The following PTPRD variants were observed in gnomAD, a reference collection of about 807,000 sequenced individuals.
PTPRD encodes the protein protein tyrosine phosphatase receptor type D.
In PTPRD, 34 loss-of-function variants were observed where a neutral mutation model predicts 214.5. The ratio of observed to expected loss-of-function variants is 0.16; its 90% CI spans 0.12 to 0.21. The LOEUF is 0.21. PTPRD is among the 10% of genes least tolerant of loss of function. The probability of loss-of-function intolerance (pLI) is 1.00; values close to 1 mark genes in which losing one functional copy is unlikely to be tolerated. For missense variants in PTPRD, 2,545 were observed against 2,398.7 expected, an observed-to-expected ratio of 1.06 and a Z score of -1.27; for synonymous variants, 1,128 against 845.7, an observed-to-expected ratio of 1.33 and a Z score of -5.79.
intron 8 of PTPRD, among the ~76,000 whole-genome samples, chr9:9,434,960 T>A (rs1163039572): frequency 6.6e-6 from 1 of 151,036 alleles, no homozygotes; most frequent in East Asian, 1.9e-4. Flanking sequence ...ATAATACCTG[T>A]CTCTTCATAG....
At chr9:9,208,655 T>C (rs1441124091) in intron 9 of PTPRD, among the ~76,000 whole-genome samples, 1 of 152,086 alleles carries the variant, frequency 6.6e-6, no homozygotes, top group Non-Finnish European at 1.5e-5. Context: ...AATTAGTATT[T>C]AGGGAAAGTT....
intron 15 of PTPRD, 91 bp downstream of exon 15, chr9:8,528,500 T>G: frequency 8.5e-7 from 1 of 1,173,078 alleles, no homozygotes; most frequent in Non-Finnish European, 1.2e-6. Context: ...TACCTAGAAA[T>G]AAAAAATAAA....
At chr9:8,950,497 C>T (rs923616636) in intron 11 of PTPRD, among the ~76,000 whole-genome samples, 2 of 150,340 alleles carry the variant, frequency 1.3e-5, no homozygotes, top group Non-Finnish European at 2.9e-5. Context: ...AAGCATGATG[C>T]AGTTTATCCA....
At position 8,822,476 on chromosome 9, in the gene PTPRD, G is replaced by C. The variant is rs73431039; in HGVS notation, c.-103-88530C>G. Among the ~76,000 whole-genome samples, 549 of 152,302 alleles carry C rather than the reference G, an allele frequency of 3.6e-3. 1 individual carries two copies. The highest frequency in any genetic ancestry group is 0.012 in the African/African-American group (503 of 41,552). ...TACAATTTGGAAATTCTCCCAGAGA[G>C]AGTAGAACTGTTACATTTATACCTT... On this transcript the variant is annotated intron_variant, in intron 11 of 45. Coordinates refer to ENST00000381196, the MANE Select transcript of PTPRD (RefSeq NM_002839.4).
At chr9:9,137,326 ATG>A (rs1290812565) in intron 10 of PTPRD, among the ~76,000 whole-genome samples, 1 of 152,124 alleles carries the variant, frequency 6.6e-6, no homozygotes, top group Non-Finnish European at 1.5e-5. Context: ...TTTTGCCTTA[ATG>A]TATCATTCTC....
At chr9:10,342,368 T>G (rs1401984987) in intron 2 of PTPRD, among the ~76,000 whole-genome samples, 2 of 152,112 alleles carry the variant, frequency 1.3e-5, no homozygotes, top group African/African-American at 2.4e-5. Flanking sequence ...CTCTAAAAAC[T>G]TCAATACTAT....
chr9:10,302,491 C>A (rs943595749), intron 3 of PTPRD, among the ~76,000 whole-genome samples: 1 of 152,174 alleles, frequency 6.6e-6, no homozygotes, highest in African/African-American at 2.4e-5. Flanking sequence ...AGAGTCAACT[C>A]CCATTGGTGT....
intron 8 of PTPRD, among the ~76,000 whole-genome samples, chr9:9,513,412 A>C (rs2096756868): frequency 1.3e-5 from 2 of 151,940 alleles, no homozygotes; most frequent in South Asian, 4.1e-4. Flanking sequence ...GAGAAAGGGG[A>C]TGTTTTTACT....
At chr9:8,734,247 A>T (rs957951409) in intron 11 of PTPRD, among the ~76,000 whole-genome samples, 1 of 152,238 alleles carries the variant, frequency 6.6e-6, no homozygotes, top group Non-Finnish European at 1.5e-5. Context: ...CCTTTTGGGC[A>T]AAGACCTAAA....
rs576591773 is a variant in PTPRD at position 10,354,786 on chromosome 9, G to T, written c.-599-13769C>A. Among the ~76,000 whole-genome samples the T allele has an allele frequency of 9.9e-5, 15 of 152,170 alleles. No individual in the cohort carries two copies. In the South Asian group the frequency reaches 2.9e-3, roughly 29 times the overall value. On this transcript the variant is annotated intron_variant, in intron 2 of 45. Coordinates refer to ENST00000381196, the MANE Select transcript of PTPRD (RefSeq NM_002839.4). ...TCATGTCATTTTTTACTGTGGCATG[G>T]GAAATGCATCTGACAGTTCTAATGG... is the stretch of plus-strand genomic sequence containing the variant.
chr9:8,431,573 TA>T (rs999168197), intron 35 of PTPRD, among the ~76,000 whole-genome samples: 7 of 152,242 alleles, frequency 4.6e-5, no homozygotes, highest in African/African-American at 1.7e-4. Context: ...GATTAAATTT[TA>T]AATATACTAG....
chr9:9,750,836 C>A (rs1310133025), intron 6 of PTPRD, among the ~76,000 whole-genome samples: 1 of 152,062 alleles, frequency 6.6e-6, no homozygotes. Context: ...AGTCTATATG[C>A]TTCCTCCAAA....
intron 7 of PTPRD, among the ~76,000 whole-genome samples, chr9:9,594,672 C>A (rs139608748): frequency 6.6e-6 from 1 of 151,956 alleles, no homozygotes; most frequent in African/African-American, 2.4e-5. Flanking sequence ...GTGACTATGG[C>A]CTTATAGTAT....
chr9:8,465,404 C>A, intron 32 of PTPRD, 62 bp downstream of exon 32: 1 of 1,471,268 alleles, frequency 6.8e-7, no homozygotes, highest in Non-Finnish European at 9.4e-7. Context: ...CCCAAATAAC[C>A]ACATTCCAGT....
chr9:9,072,380 C>A (rs2099745060), intron 10 of PTPRD, among the ~76,000 whole-genome samples: 1 of 151,332 alleles, frequency 6.6e-6, no homozygotes, highest in African/African-American at 2.4e-5. Flanking sequence ...TCACAGATTG[C>A]TACCAGACTA....
At chr9:9,539,586 C>A (rs1166658789) in intron 8 of PTPRD, among the ~76,000 whole-genome samples, 5 of 151,802 alleles carry the variant, frequency 3.3e-5, no homozygotes, top group Non-Finnish European at 7.4e-5. Context: ...CTGTCTTTAA[C>A]TAAAAGTGTT....
intron 11 of PTPRD, among the ~76,000 whole-genome samples, chr9:8,896,344 C>T (rs1384268169): frequency 1.3e-5 from 2 of 152,152 alleles, no homozygotes; most frequent in South Asian, 2.1e-4. Flanking sequence ...CTTCTAATAA[C>T]ATTAAGCTTA....
At chr9:8,591,163 A>C (rs915533332) in intron 14 of PTPRD, among the ~76,000 whole-genome samples, 4 of 152,184 alleles carry the variant, frequency 2.6e-5, no homozygotes, top group East Asian at 1.9e-4. Context: ...ATAACCCAGA[A>C]TAATCTCCCT....
At chr9:8,371,545 T>C (rs1292465363) in intron 39 of PTPRD, among the ~76,000 whole-genome samples, 2 of 152,026 alleles carry the variant, frequency 1.3e-5, no homozygotes, top group Non-Finnish European at 2.9e-5. Context: ...AAGCTTAAAA[T>C]GTTTCTCCAG....
Sources: allele counts gnomAD v4.1 joint callset (sites outside exome capture counted in the v4.1 genomes callset), GRCh38; gene constraint gnomAD v4.1.1; transcripts MANE v1.5; gene names NCBI Gene and HGNC (gene_info 2026-07-23, HGNC 2026-07-21).